Variants in PLEKHA5 observed in about 807,000 individuals in gnomAD.
PLEKHA5 encodes pleckstrin homology domain-containing family A member 5.
A neutral mutation model predicts 181.9 loss-of-function variants in PLEKHA5; 55 were observed. The observed-to-expected ratio is 0.30, with a 90% CI of 0.24 to 0.38. The LOEUF (loss-of-function observed/expected upper bound fraction) is 0.38, where lower values mean the gene tolerates loss of function less well. PLEKHA5 is among the 10% of genes least tolerant of loss of function. PLEKHA5 has a pLI of 1.00. For missense variants in PLEKHA5, 1,432 were observed against 1,549.5 expected, an observed-to-expected ratio of 0.92 and a Z score of 1.27; for synonymous variants, 535 against 529.4, an observed-to-expected ratio of 1.01 and a Z score of -0.15.
At chr12:19,202,634 G>GCCAATTGTGAACCCTAACAAACT (rs533519623) in intron 3 of PLEKHA5, among the ~76,000 whole-genome samples, 1 of 151,966 alleles carries the variant, frequency 6.6e-6, no homozygotes, top group Non-Finnish European at 1.5e-5. Flanking sequence ...ATGTACAAAC[G>GCCAATTGTGAACCCTAACAAACT]CCAATTGTGA....
intron 21 of PLEKHA5, among the ~76,000 whole-genome samples, chr12:19,337,104 C>T (rs2093491561): frequency 6.6e-6 from 1 of 150,412 alleles, no homozygotes; most frequent in Admixed American, 6.7e-5. Context: ...TCTCCTGCCT[C>T]AGCCTCCCGA....
intron 3 of PLEKHA5, among the ~76,000 whole-genome samples, chr12:19,230,399 C>A (rs779878698): frequency 6.6e-6 from 1 of 152,130 alleles, no homozygotes; most frequent in South Asian, 2.1e-4. Context: ...GACCGGGCGT[C>A]GCAGAGCGGG....
At chr12:19,370,081 G>C (rs2095538611) in intron 31 of PLEKHA5, among the ~76,000 whole-genome samples, 1 of 152,218 alleles carries the variant, frequency 6.6e-6, no homozygotes, top group Admixed American at 6.5e-5. Context: ...GCAGTGTTGT[G>C]CAGCTGTGCT....
chr12:19,284,077 G>C (rs535001321), intron 12 of PLEKHA5, among the ~76,000 whole-genome samples: 2 of 151,930 alleles, frequency 1.3e-5, no homozygotes, highest in Non-Finnish European at 2.9e-5. Flanking sequence ...TGTTGTTGTT[G>C]TTTTGTTTTG....
chr12:19,313,015 C>G (rs994437588), intron 15 of PLEKHA5, among the ~76,000 whole-genome samples: 2 of 152,086 alleles, frequency 1.3e-5, no homozygotes, highest in South Asian at 4.1e-4. Context: ...GAGGAATAGG[C>G]AGGCCCAAGG....
chr12:19,194,863 T>A (rs961445463), intron 3 of PLEKHA5, among the ~76,000 whole-genome samples: 2 of 152,214 alleles, frequency 1.3e-5, no homozygotes, highest in Non-Finnish European at 2.9e-5. Flanking sequence ...TCATCATTAA[T>A]ACCTACTTAT....
In PLEKHA5 at chr12:19,130,159, TCCGCCTGGAGGAGGCGGCAGAGC is replaced by T. The variant is rs1327520265; in HGVS notation, c.169+33_169+55del. On this transcript the variant is annotated intron_variant, in intron 2 of 31. Coordinates refer to ENST00000429027, the MANE Select transcript of PLEKHA5 (RefSeq NM_001256470.2). This position sits in a 1 kb window ranked among gnomAD's most constrained non-coding sequence, Gnocchi z 4.5. ...ACGCCGGGCCCAAACGGAGTTGGGC[TCCGCCTGGAGGAGGCGGCAGAGC>T]CCGGGCCGCCCGGCTCCCCGCAACC... 2.7e-6 allele frequency: 4 copies of T among 1,468,856 alleles called. No homozygotes were observed. Among genetic ancestry groups the T allele is most frequent in the Non-Finnish European group, 3.7e-6 (4 of 1,088,480 alleles). 91.0% of individuals were successfully genotyped at this position (1,468,856 alleles called of 1,614,324 possible).
intron 3 of PLEKHA5, among the ~76,000 whole-genome samples, chr12:19,158,090 T>C (rs2042167455): frequency 6.6e-6 from 1 of 152,078 alleles, no homozygotes; most frequent in African/African-American, 2.4e-5. Context: ...GGATTACTCA[T>C]GCCTGTAATG....
chr12:19,202,842 G>T (rs10841179), intron 3 of PLEKHA5, among the ~76,000 whole-genome samples: 7,357 of 152,126 alleles, frequency 0.048, 463 homozygotes, highest in East Asian at 0.31. Context: ...TCATGTATCA[G>T]TTACAAATGC....
chr12:19,371,569 T>C, intron 31 of PLEKHA5: 1 of 179,288 alleles, frequency 5.6e-6, no homozygotes, highest in African/African-American at 2.4e-5. Flanking sequence ...ATATTTGGTT[T>C]TCCTTTCCTG....
chr12:19,289,187 A>G (rs1035795594), intron 13 of PLEKHA5, among the ~76,000 whole-genome samples: 3 of 152,226 alleles, frequency 2.0e-5, no homozygotes, highest in African/African-American at 7.2e-5. Context: ...TTTAAATCTC[A>G]TACACCAAAT....
At chr12:19,148,708 AAAG>A (rs1254086050) in intron 3 of PLEKHA5, among the ~76,000 whole-genome samples, 6 of 152,282 alleles carry the variant, frequency 3.9e-5, no homozygotes, top group African/African-American at 1.4e-4. Flanking sequence ...AGACTTCAAA[AAAG>A]AAATTCTTTT....
At chr12:19,315,714 A>G (rs768676072) in intron 16 of PLEKHA5, among the ~76,000 whole-genome samples, 62 of 152,186 alleles carry the variant, frequency 4.1e-4, no homozygotes, top group Non-Finnish European at 7.6e-4. Context: ...AAATTAACTA[A>G]CATGAAAAAT....
At chr12:19,348,872 G>A (rs555594805) in intron 25 of PLEKHA5, among the ~76,000 whole-genome samples, 2 of 152,222 alleles carry the variant, frequency 1.3e-5, no homozygotes, top group East Asian at 3.9e-4. Context: ...TGAGGCAGGA[G>A]AATCACTGGA....
In PLEKHA5 at chr12:19,214,952, C is replaced by T. The variant is rs11044452; in HGVS notation, c.228-38988C>T. ...CAGCACTTTGGGAGGCCGAGGTGGG[C>T]GGATCACCTGAGGTCAGGAGTTCGA... On this transcript the variant is annotated intron_variant, in intron 3 of 31. Coordinates refer to ENST00000429027, the MANE Select transcript of PLEKHA5 (RefSeq NM_001256470.2). 7.7e-4 allele frequency among the ~76,000 whole-genome samples: 117 copies of T among 151,642 alleles called. 1 individual carries two copies. The highest frequency in any genetic ancestry group is 2.5e-3 in the African/African-American group (104 of 41,352).
chr12:19,369,644 A>G (rs2095527661), intron 30 of PLEKHA5, 49 bp from the exon 31 acceptor site: 4 of 1,150,976 alleles, frequency 3.5e-6, no homozygotes, highest in African/African-American at 1.5e-5. Flanking sequence ...ACTTCTCCAA[A>G]TGTGTCTTAA....
chr12:19,361,673 A>G lies in PLEKHA5; in HGVS notation c.3575A>G (p.Asn1192Ser), dbSNP rs1187053180. 3 of 1,599,090 alleles carry G rather than the reference A, an allele frequency of 1.9e-6. No homozygotes were observed. In the South Asian group the frequency reaches 3.4e-5, roughly 18 times the overall value. Residue 1192 changes from asparagine (N) to serine (S), a missense_variant, in exon 29 of 32, where the codon AAC (asparagine) becomes AGC (serine). Transcript: ENST00000429027. Reference sequence around the variant, plus strand: ...GTGGAAATGATGGATAAAGAAAGAAACAAAGACAAAATGCCTGAGGATGTT... The same window carrying G: ...GTGGAAATGATGGATAAAGAAAGAAGCAAAGACAAAATGCCTGAGGATGTT... ...NSVEMMDKER[N>S]KDKMPEDVTF... is the part of the protein sequence containing the mutation.
intron 3 of PLEKHA5, among the ~76,000 whole-genome samples, chr12:19,241,545 C>G (rs1323112423): frequency 2.0e-5 from 3 of 152,022 alleles, no homozygotes; most frequent in Non-Finnish European, 4.4e-5. Flanking sequence ...TCACTTGAGG[C>G]TAGGAGTTCA....
chr12:19,208,112 TA>T (rs1358943205), intron 3 of PLEKHA5, among the ~76,000 whole-genome samples: 2 of 152,096 alleles, frequency 1.3e-5, no homozygotes, highest in African/African-American at 4.8e-5. Context: ...AGGCATTCAA[TA>T]AATGTTTATC....
Sources: gnomAD v4.1 joint callset for allele counts (sites outside exome capture counted in the v4.1 genomes callset) on GRCh38, gnomAD v4.1.1 for gene constraint, Gnocchi (gnomAD v3.1) non-coding constraint, MANE v1.5 for transcripts, NCBI Gene and HGNC (gene_info 2026-07-23, HGNC 2026-07-21) for gene names.